Variants in NRAS observed in about 807,000 individuals in gnomAD.
NRAS encodes the protein GTPase NRas.
A neutral mutation model predicts 21.3 loss-of-function variants in NRAS; 6 were observed. That is an observed-to-expected ratio of 0.28 (90% CI 0.15 to 0.56). The LOEUF (loss-of-function observed/expected upper bound fraction) is 0.56. Among genes scored for constraint, NRAS ranks in the 20% least tolerant of loss-of-function variants. NRAS has a pLI of 0.93. For missense variants in NRAS, 143 were observed against 231.3 expected, an observed-to-expected ratio of 0.62 and a Z score of 2.48; for synonymous variants, 84 against 82.0, an observed-to-expected ratio of 1.02 and a Z score of -0.13.
chr1:114,715,746 C>G (rs1659147253), intron 2 of NRAS, among the ~76,000 whole-genome samples: 1 of 152,156 alleles, frequency 6.6e-6, no homozygotes, highest in Admixed American at 6.5e-5. Context: ...GACAGTCTCG[C>G]TACTATGGCC....
At chr1:114,714,577 T>C (rs924208762) in intron 2 of NRAS, among the ~76,000 whole-genome samples, 2 of 152,200 alleles carry the variant, frequency 1.3e-5, no homozygotes, top group Admixed American at 6.5e-5. Flanking sequence ...GCATAGATCA[T>C]ATAAAAAATA....
chr1:114,713,218 T>C (rs1659081991), intron 3 of NRAS, among the ~76,000 whole-genome samples: 1 of 152,168 alleles, frequency 6.6e-6, no homozygotes. Context: ...GCTCTGTTGA[T>C]TAGGCTGGAG....
chr1:114,710,870 C>G (rs1447755734), intron 3 of NRAS, among the ~76,000 whole-genome samples: 10 of 152,154 alleles, frequency 6.6e-5, no homozygotes, highest in African/African-American at 2.2e-4. Flanking sequence ...TAACTGGCAA[C>G]TAGAAATCAC....
At chr1:114,712,294 A>G (rs1445207306) in intron 3 of NRAS, among the ~76,000 whole-genome samples, 3 of 152,194 alleles carry the variant, frequency 2.0e-5, no homozygotes, top group Admixed American at 6.5e-5. Flanking sequence ...AGCCACTGGA[A>G]CTTCATGCAC....
intron 5 of NRAS, among the ~76,000 whole-genome samples, 152 bp from the exon 6 acceptor site, chr1:114,708,344 G>C (rs760961917): frequency 2.0e-5 from 3 of 152,136 alleles, no homozygotes; most frequent in Non-Finnish European, 4.4e-5. Flanking sequence ...AAAGATACCT[G>C]TGGAATAATC....
Position 114,705,621 on chromosome 1 carries a change from A to C in NRAS, c.*2473T>G, listed in dbSNP as rs1443668482. The C allele has an allele frequency of 6.6e-6, 1 of 152,188 alleles. No individual in the cohort carries two copies. The highest frequency in any genetic ancestry group is 1.5e-5 in the Non-Finnish European group (1 of 68,034). 9.4% of individuals were successfully genotyped at this position (152,188 alleles called of 1,614,324 possible). On this transcript the variant is annotated 3_prime_UTR_variant, in exon 7 of 7. Transcript: ENST00000369535. The stretch of plus-strand genomic sequence containing the variant: ...CTCCTTTGTGCCAAAATTCACACCT[A>C]GGTGTAACTTTTTTTTTGGAGACAA...
chr1:114,708,308 A>G, intron 5 of NRAS, 116 bp from the exon 6 acceptor site: 2 of 573,058 alleles, frequency 3.5e-6, no homozygotes, highest in Non-Finnish European at 6.2e-6. Context: ...ATAATGTCTT[A>G]TAATTTCTAA....
intron 3 of NRAS, 122 bp from the exon 4 acceptor site, chr1:114,709,850 G>A (rs576944380): frequency 2.6e-5 from 20 of 777,604 alleles, no homozygotes; most frequent in South Asian, 2.3e-4. Flanking sequence ...GAACCCAGGA[G>A]TTTGAGATTA....
chr1:114,710,046 C>A (rs1293358974), intron 3 of NRAS, among the ~76,000 whole-genome samples: 2 of 151,162 alleles, frequency 1.3e-5, no homozygotes, highest in Non-Finnish European at 2.9e-5. Flanking sequence ...CAAAAATTAG[C>A]CAGGTGTGGT....
chr1:114,713,391 G>A (rs1659085720), intron 3 of NRAS, among the ~76,000 whole-genome samples: 1 of 151,958 alleles, frequency 6.6e-6, no homozygotes, highest in Non-Finnish European at 1.5e-5. Flanking sequence ...TCCAACTCCT[G>A]GGCTGAAAGT....
chr1:114,704,787 T>C lies in NRAS; in HGVS notation c.*3307A>G, dbSNP rs1240578704. On this transcript the variant is annotated 3_prime_UTR_variant, in exon 7 of 7. Coordinates refer to ENST00000369535, the MANE Select transcript of NRAS (RefSeq NM_002524.5). ...AGTACTCAGGCTTTTAAAAATCATCTTACGTTTTGAAATATAATACAACTA... is the reference window on the plus strand; with the variant it reads ...AGTACTCAGGCTTTTAAAAATCATCCTACGTTTTGAAATATAATACAACTA... 1 of 152,228 alleles carries C rather than the reference T, an allele frequency of 6.6e-6. No homozygotes were observed. The highest frequency in any genetic ancestry group is 2.4e-5 in the African/African-American group (1 of 41,458). The allele number at this position is 152,228 out of a possible 1,614,324, so 9.4% of individuals were successfully genotyped here.
chr1:114,716,577 T>A (rs570240967), intron 1 of NRAS, 81 bp downstream of exon 1: 8 of 328,742 alleles, frequency 2.4e-5, no homozygotes, highest in South Asian at 1.6e-4. Context: ...AGCTGATAGA[T>A]TCTGCTCCAT....
chr1:114,713,804 A>G lies in NRAS; in HGVS notation c.286T>C (p.Tyr96His). 1 of 1,612,610 alleles carries G rather than the reference A, an allele frequency of 6.2e-7. No homozygotes were observed. Among genetic ancestry groups the G allele is most frequent in the Non-Finnish European group, 8.5e-7 (1 of 1,178,586 alleles). Reference sequence around the variant, plus strand: ...AGAAAATAATGCTCCTAGTACCTGTAGAGGTTAATATCCGCAAATGACTTG... The same window carrying G: ...AGAAAATAATGCTCCTAGTACCTGTGGAGGTTAATATCCGCAAATGACTTG... Reference protein sequence around the residue: ...NSKSFADINLYREQIKRVKDS... With the variant: ...NSKSFADINLHREQIKRVKDS... The change falls in exon 3 of 7, where the codon TAC becomes CAC. Residue 96 changes from tyrosine (Y) to histidine (H), a missense_variant. Transcript: ENST00000369535.
rs1282423675 is a variant in NRAS, at chr1:114,708,006, G to A, written c.*88C>T. On this transcript the variant is annotated 3_prime_UTR_variant, in exon 7 of 7. Coordinates refer to ENST00000369535, the MANE Select transcript of NRAS (RefSeq NM_002524.5). ...TCTGTGAGACTGAAGACAGCAACAG[G>A]AATACTTCTCCTCCAGGGAAGTCAG... 1 of 166,140 alleles carries A rather than the reference G, an allele frequency of 6.0e-6. No homozygotes were observed. Among genetic ancestry groups the A allele is most frequent in the Non-Finnish European group, 1.3e-5 (1 of 76,292 alleles). 10.3% of individuals were successfully genotyped at this position (166,140 alleles called of 1,614,324 possible). A position where few individuals can be genotyped will look rare whatever the true frequency, so the allele number is the denominator to read the frequency against.
In NRAS at chr1:114,704,474, A is replaced by C. The variant is rs527994102; in HGVS notation, c.*3620T>G. On this transcript the variant is annotated 3_prime_UTR_variant, in exon 7 of 7. Transcript: ENST00000369535. ...CACTTCAGTGAATATAAGAATTATG[A>C]CTAAGCCAAGAACTTCCAGTTTTTA... is the stretch of plus-strand genomic sequence containing the variant. 1 of 152,254 alleles carries C rather than the reference A, an allele frequency of 6.6e-6. No individual in the cohort carries two copies. Among genetic ancestry groups the C allele is most frequent in the Non-Finnish European group, 1.5e-5 (1 of 68,042 alleles). The allele number at this position is 152,254 out of a possible 1,614,324, so 9.4% of individuals were successfully genotyped here. A position where few individuals can be genotyped will look rare whatever the true frequency, so the allele number is the denominator to read the frequency against.
chr1:114,711,636 C>CA (rs1659048577), intron 3 of NRAS, among the ~76,000 whole-genome samples: 1 of 148,694 alleles, frequency 6.7e-6, no homozygotes, highest in East Asian at 2.0e-4. Flanking sequence ...ACAAAAAAAA[C>CA]AAACCTAAAA....
intron 3 of NRAS, among the ~76,000 whole-genome samples, chr1:114,712,199 G>A (rs377694159): frequency 2.0e-5 from 3 of 152,078 alleles, no homozygotes; most frequent in Non-Finnish European, 4.4e-5. Flanking sequence ...GCAACTTAAC[G>A]GCTTTCAGCA....
At chr1:114,711,501 T>C (rs1659043784) in intron 3 of NRAS, among the ~76,000 whole-genome samples, 1 of 151,240 alleles carries the variant, frequency 6.6e-6, no homozygotes, top group Non-Finnish European at 1.5e-5. Context: ...CTCGGGAAGC[T>C]GAGGCAGGAG....
intron 4 of NRAS, 104 bp downstream of exon 4, chr1:114,709,451 AAAAAAATAAAAATG>A: frequency 1.1e-6 from 1 of 885,468 alleles, no homozygotes; most frequent in Non-Finnish European, 1.8e-6. Flanking sequence ...AATAAAAAAT[AAAAAAATAAAAATG>A]AAAAAAATGC....
Sources: gnomAD v4.1 joint callset for allele counts (sites outside exome capture counted in the v4.1 genomes callset) on GRCh38, gnomAD v4.1.1 for gene constraint, MANE v1.5 for transcripts, NCBI Gene and HGNC (gene_info 2026-07-23, HGNC 2026-07-21) for gene names.